BTLA: variants seen among roughly 807,000 people sequenced by gnomAD.
BTLA encodes the protein B and T lymphocyte associated, also known as B- and T-lymphocyte attenuator.
BTLA carries 11 observed loss-of-function variants against 25.0 expected under a neutral mutation model. The ratio of observed to expected loss-of-function variants is 0.44; its 90% CI spans 0.28 to 0.73. BTLA has a LOEUF of 0.73. Ranked by LOEUF, BTLA falls within the 30% of genes least tolerant of loss-of-function variation. The probability of loss-of-function intolerance (pLI) is 0.15; values close to 1 mark genes in which losing one functional copy is unlikely to be tolerated. For missense variants in BTLA, 282 were observed against 332.8 expected (o/e 0.85, Z 1.19); for synonymous variants, 104 against 119.8 (o/e 0.87, Z 0.86).
intron 4 of BTLA, among the ~76,000 whole-genome samples, chr3:112,468,947 T>A (rs997314056): frequency 1.3e-5 from 2 of 152,214 alleles, no homozygotes; most frequent in African/African-American, 2.4e-5. Context: ...TTTTGTGGAA[T>A]TTTTAAGAGG....
In BTLA at chr3:112,464,067, C is replaced by T; in HGVS notation, c.*2041G>A. 2.5e-6 allele frequency: 1 copy of T among 397,494 alleles called. No homozygotes were observed. 24.6% of individuals were successfully genotyped at this position (397,494 alleles called of 1,614,324 possible). ...TAAATTATCTACATATTCTTTTTCT[C>T]AAACCCTCTATAAACTAATGAAATA... On this transcript the variant is annotated 3_prime_UTR_variant, in exon 5 of 5. Coordinates refer to ENST00000334529, the MANE Select transcript of BTLA (RefSeq NM_181780.4).
chr3:112,485,264 C>T (rs1204896461), intron 1 of BTLA, among the ~76,000 whole-genome samples: 3 of 152,024 alleles, frequency 2.0e-5, no homozygotes. Flanking sequence ...AGGCTGATCT[C>T]GAACTCCTGA....
At chr3:112,491,837 TAGGGATC>T (rs955871293) in intron 1 of BTLA, among the ~76,000 whole-genome samples, 3 of 59,776 alleles carry the variant, frequency 5.0e-5, no homozygotes, top group African/African-American at 8.6e-5. Context: ...ACAACCATTC[TAGGGATC>T]AGCAGTGGTG....
chr3:112,494,942 T>C (rs2082401229), intron 1 of BTLA, among the ~76,000 whole-genome samples: 1 of 152,222 alleles, frequency 6.6e-6, no homozygotes, highest in Admixed American at 6.5e-5. Context: ...AAGACTTTTG[T>C]GAACTCCAAA....
intron 2 of BTLA, among the ~76,000 whole-genome samples, chr3:112,477,095 G>A (rs2082292728): frequency 6.6e-6 from 1 of 152,032 alleles, no homozygotes; most frequent in Non-Finnish European, 1.5e-5. Context: ...GAACATTTAG[G>A]TTGTTTCTAC....
intron 1 of BTLA, among the ~76,000 whole-genome samples, chr3:112,494,813 A>G (rs1360911687): frequency 6.6e-6 from 1 of 152,234 alleles, no homozygotes; most frequent in Non-Finnish European, 1.5e-5. Context: ...GCAAACCATC[A>G]TGGCACACGT....
At chr3:112,499,224 G>C in intron 1 of BTLA, 47 bp downstream of exon 1, 1 of 1,351,442 alleles carries the variant, frequency 7.4e-7, no homozygotes, top group Non-Finnish European at 1.1e-6. Flanking sequence ...TTGCCTCCAA[G>C]ACCCCCTGAG....
chr3:112,478,530 T>A (rs148422475), intron 2 of BTLA, among the ~76,000 whole-genome samples: 208 of 152,284 alleles, frequency 1.4e-3, no homozygotes, highest in African/African-American at 4.7e-3. Flanking sequence ...TTTAAACAAA[T>A]TTTTAAGAAT....
chr3:112,483,179 A>C (rs1036081404), intron 1 of BTLA, among the ~76,000 whole-genome samples: 1 of 104,418 alleles, frequency 9.6e-6, no homozygotes, highest in Admixed American at 1.5e-4. Flanking sequence ...CAAGAGTTTC[A>C]CTCTTGTTGC....
intron 2 of BTLA, among the ~76,000 whole-genome samples, chr3:112,476,919 C>G (rs1437973426): frequency 6.6e-6 from 1 of 152,152 alleles, no homozygotes; most frequent in African/African-American, 2.4e-5. Context: ...TTGGATATTT[C>G]ATATAATCAG....
At position 112,464,176 on chromosome 3, in the gene BTLA, T is replaced by C. The variant is rs951406105; in HGVS notation, c.*1932A>G. 1 of 397,886 alleles carries C rather than the reference T, an allele frequency of 2.5e-6. No individual in the cohort carries two copies. The highest frequency in any genetic ancestry group is 4.4e-6 in the Non-Finnish European group (1 of 225,728). The allele number at this position is 397,886 out of a possible 1,614,324, so 24.6% of individuals were successfully genotyped here. A position where few individuals can be genotyped will look rare whatever the true frequency, so the allele number is the denominator to read the frequency against. On this transcript the variant is annotated 3_prime_UTR_variant, in exon 5 of 5. Coordinates refer to ENST00000334529, the MANE Select transcript of BTLA (RefSeq NM_181780.4). ...ACCATTTTGAAAAGGAATAAAAACA[T>C]AAATGATTTGTGATTTTGGCAAACA... is the stretch of plus-strand genomic sequence containing the variant.
intron 3 of BTLA, 61 bp downstream of exon 3, chr3:112,471,151 C>A (rs1318372104): frequency 4.6e-6 from 7 of 1,529,448 alleles, no homozygotes; most frequent in Non-Finnish European, 6.2e-6. Flanking sequence ...ATCCTTTAGC[C>A]CCAGAAATAA....
intron 1 of BTLA, among the ~76,000 whole-genome samples, chr3:112,493,263 T>A (rs150989938): frequency 6.6e-6 from 1 of 152,288 alleles, no homozygotes; most frequent in East Asian, 1.9e-4. Flanking sequence ...GCTTTTGGCA[T>A]TTTTCTCACA....
Position 112,466,316 on chromosome 3 carries a change from G to A in BTLA, c.662C>T (p.Ser221Leu). 1.2e-6 allele frequency: 2 copies of A among 1,613,830 alleles called. No homozygotes were observed. The highest frequency in any genetic ancestry group is 1.1e-5 in the South Asian group (1 of 90,968). ...GTCATTATCATAAATTCCAGTTTCT[G>A]ATAGCAGTACTTGGGAATTTTGCCT... is the stretch of plus-strand genomic sequence containing the variant. Reference protein sequence around the residue: ...STRQNSQVLLSETGIYDNDPD... With the variant: ...STRQNSQVLLLETGIYDNDPD... The change falls in exon 5 of 5, where the codon TCA (serine) becomes TTA (leucine). Residue 221 changes from serine to leucine, a missense_variant. Transcript: ENST00000334529.
intron 1 of BTLA, among the ~76,000 whole-genome samples, chr3:112,482,056 C>T (rs1250387115): frequency 6.6e-6 from 1 of 152,122 alleles, no homozygotes; most frequent in Non-Finnish European, 1.5e-5. Flanking sequence ...TTTCTCATTT[C>T]CTTTTAGTTA....
chr3:112,481,997 T>C (rs568571085), intron 1 of BTLA, among the ~76,000 whole-genome samples: 128 of 152,350 alleles, frequency 8.4e-4, no homozygotes, highest in African/African-American at 3.0e-3. Context: ...ACCAAGTTCT[T>C]AGCAACTGTA....
intron 1 of BTLA, among the ~76,000 whole-genome samples, chr3:112,484,146 G>A (rs905980628): frequency 3.9e-5 from 6 of 152,062 alleles, no homozygotes; most frequent in Admixed American, 2.0e-4. Context: ...GAAATGGAAC[G>A]GAAAAGTCTT....
At chr3:112,494,207 A>G (rs2082396489) in intron 1 of BTLA, among the ~76,000 whole-genome samples, 1 of 152,222 alleles carries the variant, frequency 6.6e-6, no homozygotes, top group South Asian at 2.1e-4. Flanking sequence ...CCACAAGGAG[A>G]TAACATCTCA....
chr3:112,474,138 C>T (rs1371109908), intron 2 of BTLA, among the ~76,000 whole-genome samples: 1 of 152,202 alleles, frequency 6.6e-6, no homozygotes, highest in African/African-American at 2.4e-5. Flanking sequence ...GAACTTTTAA[C>T]TTGAACATAA....
Sources: allele counts gnomAD v4.1 joint callset (sites outside exome capture counted in the v4.1 genomes callset), GRCh38; gene constraint gnomAD v4.1.1; transcripts MANE v1.5; gene names NCBI Gene and HGNC (gene_info 2026-07-23, HGNC 2026-07-21).